NTNG2: variants seen among roughly 807,000 people sequenced by gnomAD.
NTNG2 encodes the protein netrin G2.
A neutral mutation model predicts 47.6 loss-of-function variants in NTNG2; 15 were observed. That is an observed-to-expected ratio of 0.32 (90% CI 0.21 to 0.49). The LOEUF (loss-of-function observed/expected upper bound fraction) is 0.49, where lower values mean the gene tolerates loss of function less well. Among genes scored for constraint, NTNG2 ranks in the 20% least tolerant of loss-of-function variants. The pLI is 0.99. For synonymous variants in NTNG2, 307 were observed against 324.6 expected (o/e 0.95, Z 0.58); for missense variants, 578 against 764.6 (o/e 0.76, Z 2.88).
intron 3 of NTNG2, among the ~76,000 whole-genome samples, chr9:132,211,895 C>CTGGTGCTG (rs1178389465): frequency 6.6e-6 from 1 of 152,204 alleles, no homozygotes; most frequent in Non-Finnish European, 1.5e-5. Flanking sequence ...ACCAGGTAGG[C>CTGGTGCTG]GTGCTGTATA....
rs1351236809 is a variant in NTNG2, at chr9:132,182,482, G to T, written c.213+15438G>T. Among the ~76,000 whole-genome samples the T allele has an allele frequency of 6.6e-6, 1 of 152,136 alleles. No homozygotes were observed. Among genetic ancestry groups the T allele is most frequent in the Non-Finnish European group, 1.5e-5 (1 of 68,012 alleles). The stretch of plus-strand genomic sequence containing the variant: ...GAGGCCCAAGTGGGTGGGGGGCTGG[G>T]TGGCCTTCCTTGCTGTCTCTGCCCG... On this transcript the variant is annotated intron_variant, in intron 2 of 7. Transcript: ENST00000393229. This position sits in a 1 kb window ranked among gnomAD's most constrained non-coding sequence, Gnocchi z 4.2.
At chr9:132,239,076 T>A in intron 5 of NTNG2, 28 bp from the exon 6 acceptor site, 2 of 1,606,014 alleles carry the variant, frequency 1.2e-6, no homozygotes, top group Non-Finnish European at 1.7e-6. Context: ...CGCTGACCAT[T>A]GGTATTTCTC....
intron 3 of NTNG2, among the ~76,000 whole-genome samples, chr9:132,224,434 T>C (rs1028714535): frequency 1.3e-5 from 2 of 152,110 alleles, no homozygotes; most frequent in Non-Finnish European, 2.9e-5. Context: ...TTCACCGCCC[T>C]AAAAATCCCT....
intron 1 of NTNG2, among the ~76,000 whole-genome samples, chr9:132,165,705 G>A (rs1344308260): frequency 6.6e-6 from 1 of 152,174 alleles, no homozygotes; most frequent in Non-Finnish European, 1.5e-5. Context: ...GTATTTTAAA[G>A]CAACCATTAA....
intron 2 of NTNG2, among the ~76,000 whole-genome samples, chr9:132,171,340 G>T (rs925260779): frequency 1.3e-5 from 2 of 152,198 alleles, no homozygotes; most frequent in African/African-American, 4.8e-5. Context: ...TCCTGGGAGA[G>T]GAAACGCCTC....
At chr9:132,176,180 C>T (rs2131330296) in intron 2 of NTNG2, among the ~76,000 whole-genome samples, 1 of 142,278 alleles carries the variant, frequency 7.0e-6, no homozygotes, top group Admixed American at 6.8e-5. Flanking sequence ...GAGACCCCAT[C>T]TCTCAAAAAA....
At chr9:132,223,616 GC>G (rs1840512216) in intron 3 of NTNG2, among the ~76,000 whole-genome samples, 1 of 152,140 alleles carries the variant, frequency 6.6e-6, no homozygotes, top group South Asian at 2.1e-4. Flanking sequence ...GTTGCAGTGA[GC>G]CAAGATTGTG....
intron 2 of NTNG2, among the ~76,000 whole-genome samples, chr9:132,195,401 C>A (rs992439644): frequency 3.3e-5 from 5 of 152,038 alleles, no homozygotes; most frequent in Non-Finnish European, 5.9e-5. Context: ...CTCCTCCTCC[C>A]GGGTTCATGC....
chr9:132,207,436 C>T (rs1839250086), intron 3 of NTNG2, among the ~76,000 whole-genome samples: 1 of 152,218 alleles, frequency 6.6e-6, no homozygotes, highest in South Asian at 2.1e-4. Context: ...CAGTCTCTGC[C>T]TTGTCTTGCG....
At chr9:132,222,510 G>T (rs1244410775) in intron 3 of NTNG2, among the ~76,000 whole-genome samples, 2 of 152,220 alleles carry the variant, frequency 1.3e-5, no homozygotes, top group African/African-American at 4.8e-5. Context: ...GCTCTCAGGG[G>T]AAGATGGAGT....
intron 2 of NTNG2, among the ~76,000 whole-genome samples, chr9:132,194,389 C>T (rs1216116870): frequency 2.6e-5 from 4 of 152,254 alleles, no homozygotes; most frequent in Admixed American, 6.5e-5. Flanking sequence ...CTGCTACCCA[C>T]TCAGGCCATT....
intron 1 of NTNG2, among the ~76,000 whole-genome samples, chr9:132,165,832 G>T (rs1401922641): frequency 6.6e-6 from 1 of 152,160 alleles, no homozygotes; most frequent in Non-Finnish European, 1.5e-5. Context: ...TAACATGCCC[G>T]ATCTCCAAAT....
chr9:132,210,905 C>G (rs1040481845), intron 3 of NTNG2, among the ~76,000 whole-genome samples: 2 of 152,102 alleles, frequency 1.3e-5, no homozygotes, highest in Non-Finnish European at 2.9e-5. Context: ...CCAAGTCACA[C>G]ACACACGCAG....
chr9:132,237,597 G>A (rs542550287), intron 5 of NTNG2, among the ~76,000 whole-genome samples: 52 of 152,334 alleles, frequency 3.4e-4, no homozygotes, highest in African/African-American at 9.4e-4. Context: ...AAAAGACGGT[G>A]CAGGATAGAG....
intron 3 of NTNG2, among the ~76,000 whole-genome samples, chr9:132,212,340 G>A (rs982912130): frequency 2.4e-4 from 36 of 152,174 alleles, no homozygotes; most frequent in Non-Finnish European, 4.1e-4. Flanking sequence ...CCGCCCGTCA[G>A]CCTCTGTGTT....
chr9:132,195,118 T>A (rs1441988644), intron 2 of NTNG2, among the ~76,000 whole-genome samples: 1 of 152,248 alleles, frequency 6.6e-6, no homozygotes, highest in East Asian at 1.9e-4. Context: ...TCTTTCTTTC[T>A]TTCATTCATT....
At chr9:132,239,022 G>A (rs1841822886) in intron 5 of NTNG2, 82 bp from the exon 6 acceptor site, 1 of 1,409,784 alleles carries the variant, frequency 7.1e-7, no homozygotes, top group Non-Finnish European at 1.0e-6. Flanking sequence ...GCATGACCTG[G>A]GGTGAGTCCT....
At chr9:132,196,355 T>G (rs1838317544) in intron 2 of NTNG2, among the ~76,000 whole-genome samples, 1 of 152,024 alleles carries the variant, frequency 6.6e-6, no homozygotes, top group Admixed American at 6.6e-5. Flanking sequence ...CACGCCCGGG[T>G]AATTTTTTTG....
intron 2 of NTNG2, among the ~76,000 whole-genome samples, chr9:132,186,983 C>A (rs1166517121): frequency 6.6e-6 from 1 of 152,240 alleles, no homozygotes; most frequent in Admixed American, 6.5e-5. Flanking sequence ...GCCTAAAGTG[C>A]TCCCTTTCCT....
Sources: allele counts gnomAD v4.1 joint callset (sites outside exome capture counted in the v4.1 genomes callset), GRCh38; gene constraint gnomAD v4.1.1; non-coding constraint Gnocchi (gnomAD v3.1); transcripts MANE v1.5; gene names NCBI Gene and HGNC (gene_info 2026-07-23, HGNC 2026-07-21).